PRSS55: variants seen among roughly 807,000 people sequenced by gnomAD.
PRSS55 encodes serine protease 55.
Under a neutral mutation model 23.6 loss-of-function variants are expected in PRSS55, and 41 were observed. That is an observed-to-expected ratio of 1.74 (90% CI 1.35 to 2.26). The LOEUF is 2.26. PRSS55 is among the 30% of genes most tolerant of loss of function. PRSS55 has a pLI of 0.00. For synonymous variants in PRSS55, 262 were observed against 175.5 expected (o/e 1.49, Z -3.90); for missense variants, 669 against 439.1 (o/e 1.52, Z -4.68).
intron 4 of PRSS55, among the ~76,000 whole-genome samples, chr8:10,551,175 G>T (rs1029002638): frequency 6.6e-6 from 1 of 152,194 alleles, no homozygotes; most frequent in Non-Finnish European, 1.5e-5. Context: ...AAGCAATAAA[G>T]GTCGTGCTTC....
At chr8:10,544,801 C>G (rs541217976) in intron 4 of PRSS55, among the ~76,000 whole-genome samples, 2 of 152,092 alleles carry the variant, frequency 1.3e-5, no homozygotes, top group African/African-American at 4.8e-5. Flanking sequence ...GTCCTATTTC[C>G]TCCTCCTCTT....
intron 4 of PRSS55, among the ~76,000 whole-genome samples, chr8:10,534,760 G>C (rs1435173010): frequency 6.6e-6 from 1 of 152,170 alleles, no homozygotes; most frequent in African/African-American, 2.4e-5. Context: ...CAAATAAGAA[G>C]AGAAGATGTC....
intron 1 of PRSS55, 21 bp from the exon 2 acceptor site, chr8:10,529,486 C>A (rs757880378): frequency 1.2e-6 from 2 of 1,612,772 alleles, no homozygotes; most frequent in Non-Finnish European, 1.7e-6. Context: ...TTTTCCTTTC[C>A]ACTCTCTTTC....
intron 1 of PRSS55, among the ~76,000 whole-genome samples, chr8:10,528,287 C>A (rs1211851370): frequency 2.0e-5 from 3 of 151,946 alleles, no homozygotes; most frequent in Non-Finnish European, 4.4e-5. Flanking sequence ...TAAGTTCTCA[C>A]TCCCGTATTT....
At chr8:10,539,871 C>T, downstream of PRSS55, among the ~76,000 whole-genome samples, 1 of 152,302 alleles carries the variant, frequency 6.6e-6, no homozygotes, top group African/African-American at 2.4e-5. Context: ...ACTAACACAC[C>T]CACTTTTCAA....
chr8:10,531,799 A>G (rs1812276874), intron 3 of PRSS55: 3 of 516,080 alleles, frequency 5.8e-6, no homozygotes, highest in Non-Finnish European at 1.0e-5. Context: ...AACTGAATTT[A>G]AACTCTGCAG....
At chr8:10,548,621 G>C (rs1270585833) in intron 4 of PRSS55, among the ~76,000 whole-genome samples, 1 of 152,094 alleles carries the variant, frequency 6.6e-6, no homozygotes, top group Non-Finnish European at 1.5e-5. Flanking sequence ...CTTAGCCCCG[G>C]CCATTCCCCC....
intron 1 of PRSS55, among the ~76,000 whole-genome samples, chr8:10,527,423 A>G (rs1202762366): frequency 6.6e-6 from 1 of 152,262 alleles, no homozygotes; most frequent in African/African-American, 2.4e-5. Flanking sequence ...ACATTCTGGT[A>G]CCAGAGTCAG....
At chr8:10,541,775 T>C (rs975374794), downstream of PRSS55, among the ~76,000 whole-genome samples, 1 of 152,176 alleles carries the variant, frequency 6.6e-6, no homozygotes, top group South Asian at 2.1e-4. Context: ...TTTTCTTTTT[T>C]TGAGACATGG....
At chr8:10,538,426 T>C (rs765424360) in intron 4 of PRSS55, 50 bp from the exon 5 acceptor site, 2 of 1,420,326 alleles carry the variant, frequency 1.4e-6, no homozygotes. Flanking sequence ...CAGCCTCAGA[T>C]GGGCAGCTTA....
intron 3 of PRSS55, among the ~76,000 whole-genome samples, chr8:10,532,671 G>A (rs117108933): frequency 6.6e-6 from 1 of 152,244 alleles, no homozygotes; most frequent in East Asian, 1.9e-4. Flanking sequence ...AAGTCTTCTT[G>A]GGAGTAGAAA....
At chr8:10,551,320 TCA>T (rs1812946293) in intron 4 of PRSS55, among the ~76,000 whole-genome samples, 2 of 152,196 alleles carry the variant, frequency 1.3e-5, no homozygotes, top group Non-Finnish European at 2.9e-5. Context: ...ATGCCCTCAC[TCA>T]CTCATTCATT....
intron 4 of PRSS55, chr8:10,545,079 T>C (rs954184289): frequency 7.8e-6 from 7 of 900,180 alleles, no homozygotes; most frequent in Non-Finnish European, 9.3e-6. Context: ...ACCAGGGCTT[T>C]TGGTTTTTGG....
chr8:10,531,322 G>C lies in PRSS55; in HGVS notation c.375G>C (p.Gly125=). Residue 125 remains glycine, a synonymous_variant, in exon 3 of 5, where the codon GGG becomes GGC. Coordinates refer to ENST00000328655, the MANE Select transcript of PRSS55 (RefSeq NM_198464.4). The part of the protein sequence containing the change: ...LFPEELSVVL[G]TNDLTSPSME... Reference sequence around the variant, plus strand: ...CAGAAGAACTGAGTGTCGTGCTGGGGACCAACGACTTAACTAGCCCATCCA... The same window carrying C: ...CAGAAGAACTGAGTGTCGTGCTGGGCACCAACGACTTAACTAGCCCATCCA... 1 of 1,614,068 alleles carries C rather than the reference G, an allele frequency of 6.2e-7. No homozygotes were observed. Among genetic ancestry groups the C allele is most frequent in the Non-Finnish European group, 8.5e-7 (1 of 1,180,030 alleles).
chr8:10,526,283 C>G (rs1444805887), intron 1 of PRSS55, among the ~76,000 whole-genome samples: 1 of 152,228 alleles, frequency 6.6e-6, no homozygotes, highest in Non-Finnish European at 1.5e-5. Flanking sequence ...GGCATCTGCT[C>G]TCAGACAACG....
At chr8:10,553,928 ATT>A (rs35201635) in intron 4 of PRSS55, 41 of 1,425,656 alleles carry the variant, frequency 2.9e-5, no homozygotes, top group Middle Eastern at 1.8e-4. Context: ...TGTCAATTTA[ATT>A]TTTTTTTTAA....
intron 4 of PRSS55, among the ~76,000 whole-genome samples, chr8:10,549,541 T>G (rs1008897566): frequency 7.2e-5 from 11 of 152,310 alleles, no homozygotes; most frequent in African/African-American, 2.6e-4. Flanking sequence ...CAAGCCCTGC[T>G]AAATGTGACA....
rs1444653203 is a variant in PRSS55, at chr8:10,531,562, C to A, written c.598+17C>A. 2 of 1,611,268 alleles carry A rather than the reference C, an allele frequency of 1.2e-6. No homozygotes were observed. The highest frequency in any genetic ancestry group is 1.7e-6 in the Non-Finnish European group (2 of 1,179,094). On this transcript the variant is annotated intron_variant, in intron 3 of 4. Transcript: ENST00000328655. Reference sequence around the variant, plus strand: ...CCAATGCTGGTATGTGACTGCTCAGCTTCCCCTGGGGAAAAAGCCACTGCA... The same window carrying A: ...CCAATGCTGGTATGTGACTGCTCAGATTCCCCTGGGGAAAAAGCCACTGCA...
chr8:10,529,799 G>A, intron 2 of PRSS55, 100 bp downstream of exon 2: 1 of 1,186,760 alleles, frequency 8.4e-7, no homozygotes, highest in Non-Finnish European at 1.2e-6. Context: ...ACCTGCGACT[G>A]CTCGGTATCC....
Sources: allele counts gnomAD v4.1 joint callset (sites outside exome capture counted in the v4.1 genomes callset), GRCh38; gene constraint gnomAD v4.1.1; transcripts MANE v1.5; gene names NCBI Gene and HGNC (gene_info 2026-07-23, HGNC 2026-07-21).